Variants in TNFAIP8L3 observed in about 807,000 individuals in gnomAD.
TNFAIP8L3 encodes the protein TNF alpha induced protein 8 like 3, also known as tumor necrosis factor alpha-induced protein 8-like protein 3.
Under a neutral mutation model 11.8 loss-of-function variants are expected in TNFAIP8L3, and 7 were observed. The ratio of observed to expected loss-of-function variants is 0.59; its 90% CI spans 0.34 to 1.11. TNFAIP8L3 has a LOEUF of 1.11. Ranked by LOEUF, TNFAIP8L3 falls within the 50% of genes most tolerant of loss-of-function variation. The pLI is 0.03. For synonymous variants in TNFAIP8L3, 98 were observed against 103.8 expected (o/e 0.94, Z 0.34); for missense variants, 219 against 258.6 (o/e 0.85, Z 1.05).
rs941761261 is a variant in TNFAIP8L3, at chr15:51,057,571, T to C, written c.*310A>G. 2.9e-5 allele frequency: 7 copies of C among 241,100 alleles called. No individual in the cohort carries two copies. The highest frequency in any genetic ancestry group is 2.5e-4 in the Admixed American group (5 of 20,010). 14.9% of individuals were successfully genotyped at this position (241,100 alleles called of 1,614,324 possible). ...CAAATCCATGTCCTCTGTCTCCTGG[T>C]TTAGTGCTCCTCCCACTCCATGAGA... On this transcript the variant is annotated 3_prime_UTR_variant, in exon 2 of 2. Coordinates refer to ENST00000637513, the MANE Select transcript of TNFAIP8L3 (RefSeq NM_001311175.2).
chr15:51,102,421 C>A (rs2065560429), intron 1 of TNFAIP8L3, among the ~76,000 whole-genome samples: 2 of 152,164 alleles, frequency 1.3e-5, no homozygotes, highest in South Asian at 4.1e-4. Flanking sequence ...TTTTACAGAA[C>A]AAATATCGCT....
upstream of TNFAIP8L3, among the ~76,000 whole-genome samples, chr15:51,097,794 A>G (rs995096969): frequency 6.6e-6 from 1 of 152,096 alleles, no homozygotes; most frequent in African/African-American, 2.4e-5. Context: ...AACCCCACTA[A>G]AACAGTGAAA....
intron 1 of TNFAIP8L3, among the ~76,000 whole-genome samples, chr15:51,071,793 G>A (rs1205249666): frequency 1.3e-5 from 2 of 152,218 alleles, no homozygotes; most frequent in Non-Finnish European, 1.5e-5. Flanking sequence ...CCCAGCAGCA[G>A]TGTCTTGAGT....
exon 1 of TNFAIP8L3, chr15:51,105,154 G>T: frequency 6.2e-7 from 1 of 1,613,844 alleles, no homozygotes; most frequent in Non-Finnish European, 8.5e-7. Flanking sequence ...CAGTGTGCTT[G>T]GGTTTTGCCG....
upstream of TNFAIP8L3, among the ~76,000 whole-genome samples, chr15:51,096,336 T>C (rs919792243): frequency 3.9e-5 from 6 of 152,174 alleles, no homozygotes; most frequent in Admixed American, 1.3e-4. Context: ...ACAAGTTGGA[T>C]GGATATTGAT....
chr15:51,079,357 C>A (rs1213490078), intron 1 of TNFAIP8L3, among the ~76,000 whole-genome samples: 1 of 152,246 alleles, frequency 6.6e-6, no homozygotes, highest in East Asian at 1.9e-4. Context: ...CAGTCATCCA[C>A]TAGCTGGATG....
At chr15:51,101,650 G>A (rs1464375565) in intron 1 of TNFAIP8L3, among the ~76,000 whole-genome samples, 3 of 147,454 alleles carry the variant, frequency 2.0e-5, no homozygotes, top group Non-Finnish European at 4.5e-5. Flanking sequence ...AAGAAAGAAA[G>A]ACAGAAAATA....
intron 1 of TNFAIP8L3, among the ~76,000 whole-genome samples, chr15:51,076,831 A>G (rs942536511): frequency 1.3e-5 from 2 of 152,196 alleles, no homozygotes; most frequent in African/African-American, 4.8e-5. Flanking sequence ...TAAATGAGAA[A>G]GCAGACTAGA....
At chr15:51,083,295 C>T (rs986893100) in intron 1 of TNFAIP8L3, among the ~76,000 whole-genome samples, 2 of 152,074 alleles carry the variant, frequency 1.3e-5, no homozygotes, top group Non-Finnish European at 2.9e-5. Flanking sequence ...TTTTTTGGAA[C>T]GATGGACTGA....
intron 1 of TNFAIP8L3, among the ~76,000 whole-genome samples, chr15:51,072,012 A>G (rs1295890805): frequency 6.6e-6 from 1 of 152,174 alleles, no homozygotes; most frequent in African/African-American, 2.4e-5. Flanking sequence ...CAGTTGAATT[A>G]TATATATTTT....
intron 1 of TNFAIP8L3, among the ~76,000 whole-genome samples, chr15:51,059,831 G>C (rs1357244976): frequency 6.6e-6 from 1 of 152,266 alleles, no homozygotes; most frequent in Non-Finnish European, 1.5e-5. Context: ...AGAGCAGACA[G>C]AGCGACGGCC....
upstream of TNFAIP8L3, among the ~76,000 whole-genome samples, chr15:51,099,037 C>A (rs1438186848): frequency 6.6e-6 from 1 of 152,162 alleles, no homozygotes; most frequent in East Asian, 1.9e-4. Flanking sequence ...GAGAGAGAAA[C>A]AAGAAAGAAA....
chr15:51,064,372 C>T (rs2065257269), intron 1 of TNFAIP8L3, among the ~76,000 whole-genome samples: 1 of 152,054 alleles, frequency 6.6e-6, no homozygotes. Context: ...TTCACCATAC[C>T]AGGTAGCTTA....
chr15:51,069,152 TC>T (rs1346811923), intron 1 of TNFAIP8L3, among the ~76,000 whole-genome samples: 1 of 152,176 alleles, frequency 6.6e-6, no homozygotes, highest in Non-Finnish European at 1.5e-5. Context: ...TGACCAGCTT[TC>T]CTGACTCCAG....
At chr15:51,100,704 A>T (rs562706311) in intron 1 of TNFAIP8L3, among the ~76,000 whole-genome samples, 5 of 152,156 alleles carry the variant, frequency 3.3e-5, no homozygotes, top group African/African-American at 4.8e-5. Context: ...GGGAATCAAG[A>T]TGATGAAAGA....
chr15:51,087,231 A>G (rs1205293428), intron 1 of TNFAIP8L3, among the ~76,000 whole-genome samples: 5 of 151,730 alleles, frequency 3.3e-5, no homozygotes, highest in Non-Finnish European at 7.4e-5. Context: ...TCCCACCCTC[A>G]CTTTCTCAGT....
intron 1 of TNFAIP8L3, chr15:51,069,519 A>T (rs1223885449): frequency 1.3e-5 from 2 of 152,152 alleles, no homozygotes; most frequent in Non-Finnish European, 2.9e-5. Flanking sequence ...GAGAAGAGAG[A>T]TTGGCAGGAG....
At chr15:51,091,543 GT>G (rs554391048) in intron 1 of TNFAIP8L3, among the ~76,000 whole-genome samples, 10 of 151,956 alleles carry the variant, frequency 6.6e-5, no homozygotes, top group Non-Finnish European at 1.3e-4. Flanking sequence ...AAGGGGTTCT[GT>G]TTTTTTTATA....
At chr15:51,080,597 G>A (rs1296365582) in intron 1 of TNFAIP8L3, among the ~76,000 whole-genome samples, 1 of 152,140 alleles carries the variant, frequency 6.6e-6, no homozygotes, top group Admixed American at 6.5e-5. Flanking sequence ...TTTGGTCCTC[G>A]GTTCAGTGGA....
Sources: allele counts gnomAD v4.1 joint callset (sites outside exome capture counted in the v4.1 genomes callset), GRCh38; gene constraint gnomAD v4.1.1; transcripts MANE v1.5; gene names NCBI Gene and HGNC (gene_info 2026-07-23, HGNC 2026-07-21).